The following FRMPD4 variants were observed in gnomAD, a reference collection of about 807,000 sequenced individuals.
FRMPD4 encodes the protein FERM and PDZ domain containing 4.
In FRMPD4, 22 loss-of-function variants were observed where a neutral mutation model predicts 94.1. That is an observed-to-expected ratio of 0.23 (90% confidence interval 0.17 to 0.33). The LOEUF is 0.33. FRMPD4 is among the 10% of genes least tolerant of loss of function. The pLI, the probability that FRMPD4 is intolerant of heterozygous loss-of-function variation, is 1.00. For missense variants in FRMPD4, 1,111 were observed against 1,339.9 expected (o/e 0.83, Z 2.67); for synonymous variants, 631 against 548.6 (o/e 1.15, Z -2.10).
chrX:12,423,014 G>A (rs1444916172), intron 1 of FRMPD4, among the ~76,000 whole-genome samples: 1 of 110,986 alleles, frequency 9.0e-6, no homozygotes, highest in African/African-American at 3.3e-5. Flanking sequence ...CTTGACAGCT[G>A]GGTATTTCAT....
intron 3 of FRMPD4, among the ~76,000 whole-genome samples, chrX:12,110,377 G>A (rs2055347373): frequency 8.9e-6 from 1 of 111,856 alleles, no homozygotes; most frequent in Non-Finnish European, 1.9e-5. Context: ...CAGCTCTTCA[G>A]GCTAAAAACT....
intron 4 of FRMPD4, among the ~76,000 whole-genome samples, chrX:12,654,384 T>C (rs1228142234): frequency 9.0e-6 from 1 of 111,654 alleles, no homozygotes. Flanking sequence ...TCTGCCCATC[T>C]GAAGAATGCA....
chrX:12,082,520 G>T (rs1353508945), intron 3 of FRMPD4, among the ~76,000 whole-genome samples: 2 of 111,561 alleles, frequency 1.8e-5, no homozygotes, highest in Admixed American at 1.9e-4. Flanking sequence ...AGCTAATACA[G>T]TAAATTGGTA....
intron 1 of FRMPD4, among the ~76,000 whole-genome samples, chrX:12,359,882 G>A (rs2147989375): frequency 9.0e-6 from 1 of 111,634 alleles, no homozygotes; most frequent in South Asian, 3.8e-4. Context: ...GGACAAGGTT[G>A]GGGACCCTCG....
At chrX:12,009,582 A>T (rs1323452649) in intron 3 of FRMPD4, among the ~76,000 whole-genome samples, 1 of 112,544 alleles carries the variant, frequency 8.9e-6, no homozygotes, top group Non-Finnish European at 1.9e-5. Flanking sequence ...CGCTGAGCAG[A>T]TAATGGACTT....
At chrX:12,316,210 G>T (rs897522289) in intron 1 of FRMPD4, among the ~76,000 whole-genome samples, 1 of 111,160 alleles carries the variant, frequency 9.0e-6, no homozygotes, top group Non-Finnish European at 1.9e-5. Flanking sequence ...TCAGTGGCAC[G>T]ATCTCAGCTC....
At chrX:11,900,018 G>A (rs1026255830) in intron 3 of FRMPD4, among the ~76,000 whole-genome samples, 5 of 112,128 alleles carry the variant, frequency 4.5e-5, no homozygotes, top group African/African-American at 1.6e-4. Flanking sequence ...GTAACAGATA[G>A]TTTTAGGTCT....
At chrX:11,935,265 A>ATTTT (rs1569129069) in intron 3 of FRMPD4, among the ~76,000 whole-genome samples, 162 of 2,505 alleles carry the variant, frequency 0.065, 5 homozygotes, top group Admixed American at 0.093. Flanking sequence ...TTTTTTTTTA[A>ATTTT]TGTGTTTTTT....
chrX:12,706,570 A>C (rs910844874), intron 11 of FRMPD4, among the ~76,000 whole-genome samples: 3 of 111,591 alleles, frequency 2.7e-5, no homozygotes, highest in Non-Finnish European at 5.7e-5. Context: ...GCCCTGGCCC[A>C]GCATATCTAT....
chrX:12,024,441 C>T (rs1237290595), intron 3 of FRMPD4, among the ~76,000 whole-genome samples: 1 of 111,956 alleles, frequency 8.9e-6, no homozygotes, highest in East Asian at 2.8e-4. Flanking sequence ...TAACTTACTC[C>T]ACTTAAAGCC....
chrX:12,639,826 A>G (rs766679598), intron 4 of FRMPD4, among the ~76,000 whole-genome samples: 45 of 112,021 alleles, frequency 4.0e-4, no homozygotes, highest in Admixed American at 3.0e-3. Flanking sequence ...GTATTTTCCC[A>G]GAGTTACACA....
chrX:12,626,702 T>C (rs1042092840), intron 4 of FRMPD4, among the ~76,000 whole-genome samples: 2 of 103,483 alleles, frequency 1.9e-5, no homozygotes, highest in African/African-American at 7.1e-5. Flanking sequence ...GCAGTTGCCT[T>C]GATTTTAGTA....
At chrX:12,506,374 C>T (rs990097809) in intron 2 of FRMPD4, among the ~76,000 whole-genome samples, 2 of 111,303 alleles carry the variant, frequency 1.8e-5, no homozygotes, top group African/African-American at 3.3e-5. Context: ...CTGCAACCTC[C>T]GCGTCCTGGG....
At chrX:12,164,963 G>C (rs1214438278) in intron 1 of FRMPD4, among the ~76,000 whole-genome samples, 1 of 111,995 alleles carries the variant, frequency 8.9e-6, no homozygotes, top group Non-Finnish European at 1.9e-5. Context: ...TTTGTCAGAT[G>C]AGTAGGTTGC....
intron 4 of FRMPD4, among the ~76,000 whole-genome samples, chrX:12,659,297 T>C (rs1001463142): frequency 8.8e-6 from 1 of 113,165 alleles, no homozygotes; most frequent in Admixed American, 9.3e-5. Context: ...CAAATGTCCA[T>C]GTCATCTTCA....
intron 1 of FRMPD4, among the ~76,000 whole-genome samples, chrX:12,335,250 C>T (rs2055498294): frequency 9.1e-6 from 1 of 109,951 alleles, no homozygotes; most frequent in South Asian, 4.0e-4. Flanking sequence ...CCTCAGCCAC[C>T]GGATTAGCTG....
At chrX:12,295,813 G>A (rs760806665) in intron 1 of FRMPD4, among the ~76,000 whole-genome samples, 2 of 112,127 alleles carry the variant, frequency 1.8e-5, no homozygotes, top group Admixed American at 1.9e-4. Context: ...TTTGAGGATT[G>A]TGGGGAACCT....
chrX:12,359,006 T>A (rs1426728769), intron 1 of FRMPD4, among the ~76,000 whole-genome samples: 1 of 112,212 alleles, frequency 8.9e-6, no homozygotes, highest in Non-Finnish European at 1.9e-5. Context: ...TCTTTTTTTT[T>A]ATATATTTAA....
intron 1 of FRMPD4, among the ~76,000 whole-genome samples, chrX:12,385,782 A>G (rs1249090129): frequency 8.9e-6 from 1 of 112,619 alleles, no homozygotes; most frequent in African/African-American, 3.2e-5. Context: ...ATTGTCACTG[A>G]GCAAAATGGT....
Sources: gnomAD v4.1 joint callset for allele counts (sites outside exome capture counted in the v4.1 genomes callset) on GRCh38, gnomAD v4.1.1 for gene constraint, MANE v1.5 for transcripts, NCBI Gene and HGNC (gene_info 2026-07-23, HGNC 2026-07-21) for gene names.